OSBPL6: variants seen among roughly 807,000 people sequenced by gnomAD.
OSBPL6 encodes the protein oxysterol binding protein like 6.
In OSBPL6, 49 loss-of-function variants were observed where a neutral mutation model predicts 125.8. That is an observed-to-expected ratio of 0.39 (90% CI 0.31 to 0.49). The LOEUF is 0.49. Among genes scored for constraint, OSBPL6 ranks in the 20% least tolerant of loss-of-function variants. The pLI is 0.88. For missense variants in OSBPL6, 986 were observed against 1,135.4 expected, an observed-to-expected ratio of 0.87 and a Z score of 1.89; for synonymous variants, 394 against 391.8, an observed-to-expected ratio of 1.01 and a Z score of -0.07.
chr2:178,304,314 G>A (rs2154057279), intron 2 of OSBPL6, among the ~76,000 whole-genome samples: 1 of 152,286 alleles, frequency 6.6e-6, no homozygotes, highest in Middle Eastern at 3.4e-3. Context: ...GGTTCTGCAT[G>A]GCTGGGGAGG....
rs937666589 is a variant in OSBPL6 at position 178,399,957 on chromosome 2, T to G, written c.*4398T>G. 6.6e-6 allele frequency: 1 copy of G among 152,172 alleles called. No individual in the cohort carries two copies. The highest frequency in any genetic ancestry group is 1.5e-5 in the Non-Finnish European group (1 of 68,022). 9.4% of individuals were successfully genotyped at this position (152,172 alleles called of 1,614,324 possible). A position where few individuals can be genotyped will look rare whatever the true frequency, so the allele number is the denominator to read the frequency against. ...GTAAGAAAAAAACATAAAACAAAAA[T>G]GTTCTTATTTTCTGCAATTTTTTTT... On this transcript the variant is annotated 3_prime_UTR_variant, in exon 25 of 25. Transcript: ENST00000190611.
At chr2:178,254,220 C>T (rs544730135) in intron 1 of OSBPL6, among the ~76,000 whole-genome samples, 2 of 151,972 alleles carry the variant, frequency 1.3e-5, no homozygotes, top group Non-Finnish European at 2.9e-5. Flanking sequence ...AATGAAACGC[C>T]GTTTCTACTA....
intron 3 of OSBPL6, among the ~76,000 whole-genome samples, chr2:178,309,047 G>T (rs1334835152): frequency 6.6e-6 from 1 of 152,030 alleles, no homozygotes; most frequent in Non-Finnish European, 1.5e-5. Flanking sequence ...CAACAGTCTT[G>T]TCTGATCATA....
At chr2:178,388,912 A>G in intron 20 of OSBPL6, 97 bp from the exon 21 acceptor site, 1 of 1,296,234 alleles carries the variant, frequency 7.7e-7, no homozygotes, top group Non-Finnish European at 1.1e-6. Context: ...GAATGAGGGA[A>G]AAGGAAGCTT....
At chr2:178,295,410 A>G (rs1031654371) in intron 2 of OSBPL6, among the ~76,000 whole-genome samples, 4 of 152,194 alleles carry the variant, frequency 2.6e-5, no homozygotes, top group Non-Finnish European at 4.4e-5. Context: ...GTTTTATTGG[A>G]ACATAATCAT....
chr2:178,346,940 G>A (rs1258101447), intron 11 of OSBPL6, among the ~76,000 whole-genome samples: 1 of 151,930 alleles, frequency 6.6e-6, no homozygotes, highest in African/African-American at 2.4e-5. Context: ...CAATTCCCAG[G>A]GAACCATCTG....
intron 3 of OSBPL6, among the ~76,000 whole-genome samples, chr2:178,311,700 A>G (rs1440344357): frequency 1.3e-5 from 2 of 152,220 alleles, no homozygotes; most frequent in African/African-American, 4.8e-5. Flanking sequence ...AGGAGATGAC[A>G]ACAGGGAGAG....
At chr2:178,389,205 A>G in intron 21 of OSBPL6, 52 bp downstream of exon 21, 2 of 1,551,720 alleles carry the variant, frequency 1.3e-6, no homozygotes, top group Non-Finnish European at 8.8e-7. Context: ...ATGCTTCTTA[A>G]AGAAGAAATA....
chr2:178,372,663 T>A (rs1312372690), intron 14 of OSBPL6, among the ~76,000 whole-genome samples: 1 of 150,294 alleles, frequency 6.7e-6, no homozygotes, highest in East Asian at 2.0e-4. Flanking sequence ...TCACCTGACC[T>A]TGTTAAGATA....
chr2:178,212,546 G>A lies in OSBPL6; in HGVS notation c.-351+17872G>A, dbSNP rs16866169. Among the ~76,000 whole-genome samples the A allele has an allele frequency of 8.6e-3, 1,315 of 152,284 alleles. 28 individuals are homozygous for A. The highest frequency in any genetic ancestry group is 0.075 in the East Asian group (386 of 5,180). On this transcript the variant is annotated intron_variant, in intron 1 of 24. Transcript: ENST00000190611. ...AGAGCCAAGCTATTAGTGTTAAGAA[G>A]AAGTGACTTCAGAAAGTACAGCTGG...
At chr2:178,219,226 A>AT (rs553197310) in intron 1 of OSBPL6, among the ~76,000 whole-genome samples, 3 of 152,266 alleles carry the variant, frequency 2.0e-5, no homozygotes, top group Non-Finnish European at 4.4e-5. Flanking sequence ...TGGGCCAAGA[A>AT]TTGGGTTGCT....
chr2:178,283,518 C>T (rs569412645), intron 1 of OSBPL6, among the ~76,000 whole-genome samples: 1 of 152,164 alleles, frequency 6.6e-6, no homozygotes, highest in South Asian at 2.1e-4. Context: ...AGGATAAAAA[C>T]GTCTGTCATG....
At chr2:178,315,402 G>A (rs1687647221) in intron 3 of OSBPL6, among the ~76,000 whole-genome samples, 2 of 152,166 alleles carry the variant, frequency 1.3e-5, no homozygotes, top group South Asian at 4.1e-4. Context: ...TTGTGTGTGT[G>A]TAGCTTTAAG....
In OSBPL6 at chr2:178,312,205, A is replaced by G. The variant is rs1260793407; in HGVS notation, c.102+5919A>G. ...AGATGGAGTTTCGCTCTTTTTGCCC[A>G]GGCTGGAGTGTAATGGCACAATCTC... On this transcript the variant is annotated intron_variant, in intron 3 of 24. Coordinates refer to ENST00000190611, the MANE Select transcript of OSBPL6 (RefSeq NM_032523.4). 4.5e-5 allele frequency among the ~76,000 whole-genome samples: 6 copies of G among 132,482 alleles called. No homozygotes were observed. The East Asian group carries it at 1.3e-3, about 29-fold the overall frequency. 86.9% of individuals were successfully genotyped at this position (132,482 alleles called of 152,430 possible).
At chr2:178,196,665 C>G (rs796332765) in intron 1 of OSBPL6, among the ~76,000 whole-genome samples, 13 of 152,196 alleles carry the variant, frequency 8.5e-5, no homozygotes, top group African/African-American at 3.1e-4. Context: ...ACCACAGATA[C>G]CGGATTAGGT....
intron 1 of OSBPL6, among the ~76,000 whole-genome samples, chr2:178,202,273 T>C (rs1192420238): frequency 2.6e-5 from 4 of 152,202 alleles, no homozygotes; most frequent in African/African-American, 9.6e-5. Context: ...AATCATTTTC[T>C]TTCTTCTTAA....
At chr2:178,275,686 C>G (rs981725463) in intron 1 of OSBPL6, among the ~76,000 whole-genome samples, 10 of 148,792 alleles carry the variant, frequency 6.7e-5, no homozygotes, top group African/African-American at 2.2e-4. Flanking sequence ...TTTAAGGCCT[C>G]AAAGCGAGAC....
chr2:178,332,782 G>A (rs770878353), intron 7 of OSBPL6, 28 bp downstream of exon 7: 4 of 1,610,876 alleles, frequency 2.5e-6, no homozygotes, highest in Non-Finnish European at 2.5e-6. Context: ...CAGTTTCTCT[G>A]CCATTATCAG....
chr2:178,266,636 G>A (rs958594167), intron 1 of OSBPL6, among the ~76,000 whole-genome samples: 1 of 152,178 alleles, frequency 6.6e-6, no homozygotes, highest in African/African-American at 2.4e-5. Flanking sequence ...CACATGGAGC[G>A]AGGTTGAGAC....
Sources: gnomAD v4.1 joint callset for allele counts (sites outside exome capture counted in the v4.1 genomes callset) on GRCh38, gnomAD v4.1.1 for gene constraint, MANE v1.5 for transcripts, NCBI Gene and HGNC (gene_info 2026-07-23, HGNC 2026-07-21) for gene names.